LPP: variants seen among roughly 807,000 people sequenced by gnomAD.
LPP encodes the protein LIM domain containing preferred translocation partner in lipoma.
Under a neutral mutation model 60.4 loss-of-function variants are expected in LPP, and 38 were observed. That is an observed-to-expected ratio of 0.63 (90% CI 0.49 to 0.83). The LOEUF is 0.83. Ranked by LOEUF, LPP falls within the 40% of genes least tolerant of loss-of-function variation. The probability of loss-of-function intolerance (pLI) is 0.00; values close to 1 mark genes in which losing one functional copy is unlikely to be tolerated. For missense variants in LPP, 902 were observed against 783.6 expected (o/e 1.15, Z -1.80); for synonymous variants, 328 against 290.8 (o/e 1.13, Z -1.30).
rs73887388 is a variant in LPP at position 188,216,810 on chromosome 3, C to T, written c.-189-8595C>T. Among the ~76,000 whole-genome samples the T allele has an allele frequency of 5.4e-3, 824 of 152,282 alleles. 5 individuals are homozygous for T. Among genetic ancestry groups the T allele is most frequent in the African/African-American group, 0.019 (787 of 41,538 alleles). On this transcript the variant is annotated intron_variant, in intron 1 of 11. Transcript: ENST00000617246. ...AAGAAGTGAGAAAGCTTGTCCAAAC[C>T]GCTATAGCTCTTGGGCAAAGGCATT...
intron 2 of LPP, among the ~76,000 whole-genome samples, chr3:188,316,394 CATG>C (rs1217162293): frequency 6.6e-6 from 1 of 152,078 alleles, no homozygotes; most frequent in African/African-American, 2.4e-5. Flanking sequence ...GTGCTATGAT[CATG>C]CTACTTCACT....
intron 1 of LPP, among the ~76,000 whole-genome samples, chr3:188,207,703 C>T (rs1238515803): frequency 6.6e-6 from 1 of 150,886 alleles, no homozygotes; most frequent in Non-Finnish European, 1.5e-5. Context: ...AGTAATACTG[C>T]CTTGGCCTCC....
At chr3:188,644,732 A>G (rs1475825443) in intron 7 of LPP, among the ~76,000 whole-genome samples, 1 of 152,212 alleles carries the variant, frequency 6.6e-6, no homozygotes, top group Non-Finnish European at 1.5e-5. Flanking sequence ...AAAAGAATCT[A>G]TGCTGAGAGG....
Position 188,647,217 on chromosome 3 carries a change from A to C in LPP, c.1113+37373A>C, listed in dbSNP as rs546991731. On this transcript the variant is annotated intron_variant, in intron 7 of 11. Transcript: ENST00000617246. ...CACCATCCAGCTCTGACCTGGGCCC[A>C]CCCTGTGCAGGACTCTGCTGACTTT... 1.1e-3 allele frequency among the ~76,000 whole-genome samples: 161 copies of C among 152,202 alleles called. No homozygotes were observed. In the Middle Eastern group the frequency reaches 0.017, roughly 16 times the overall value.
intron 6 of LPP, among the ~76,000 whole-genome samples, chr3:188,579,936 G>A (rs1008885965): frequency 3.9e-5 from 6 of 151,992 alleles, no homozygotes; most frequent in East Asian, 3.9e-4. Flanking sequence ...AGGAGGTCAA[G>A]GCTACAGTGA....
intron 6 of LPP, among the ~76,000 whole-genome samples, chr3:188,584,162 G>A (rs1309517811): frequency 8.5e-5 from 13 of 152,138 alleles, no homozygotes; most frequent in Admixed American, 7.9e-4. Context: ...AACATTCATG[G>A]AGAGCTACTT....
chr3:188,498,164 C>T (rs1306842343), intron 5 of LPP, among the ~76,000 whole-genome samples: 3 of 151,772 alleles, frequency 2.0e-5, no homozygotes, highest in Non-Finnish European at 4.4e-5. Context: ...TTTTTTTTCC[C>T]CCCCAGCTTG....
At chr3:188,814,824 C>G (rs767878892) in intron 9 of LPP, among the ~76,000 whole-genome samples, 2 of 152,174 alleles carry the variant, frequency 1.3e-5, no homozygotes, top group African/African-American at 2.4e-5. Context: ...ATTTGTCTCT[C>G]AGTCTTAAAA....
chr3:188,561,278 C>CT (rs1165679218), intron 6 of LPP, among the ~76,000 whole-genome samples: 2 of 151,988 alleles, frequency 1.3e-5, no homozygotes, highest in African/African-American at 2.4e-5. Flanking sequence ...TGGCAGTGAA[C>CT]TTTTTTTAAA....
intron 4 of LPP, among the ~76,000 whole-genome samples, chr3:188,437,899 T>G (rs919058543): frequency 2.0e-5 from 3 of 152,254 alleles, no homozygotes; most frequent in Non-Finnish European, 2.9e-5. Flanking sequence ...ATCCCTTTAA[T>G]TAAATTCCAT....
intron 2 of LPP, among the ~76,000 whole-genome samples, chr3:188,250,792 TTC>T (rs769444580): frequency 0.11 from 9,405 of 86,246 alleles, 484 homozygotes; most frequent in African/African-American, 0.19. Flanking sequence ...CTTTCTGTCT[TTC>T]TCTTTCTTTC....
rs981268542 is a variant in LPP at position 188,459,287 on chromosome 3, A to G, written c.194-25305A>G. 3.9e-5 allele frequency among the ~76,000 whole-genome samples: 6 copies of G among 152,298 alleles called. No homozygotes were observed. The East Asian group carries it at 9.6e-4, about 24-fold the overall frequency. On this transcript the variant is annotated intron_variant, in intron 4 of 11. Transcript: ENST00000617246. Reference sequence around the variant, plus strand: ...CTAGATTACCTAGAAAATGGCACCTAGGGTAACAACTTATGTGCTTAATTT... The same window carrying G: ...CTAGATTACCTAGAAAATGGCACCTGGGGTAACAACTTATGTGCTTAATTT...
At chr3:188,440,626 C>T (rs925871240) in intron 4 of LPP, among the ~76,000 whole-genome samples, 3 of 152,202 alleles carry the variant, frequency 2.0e-5, no homozygotes, top group African/African-American at 7.2e-5. Context: ...CCTTAGATGT[C>T]AATTCATGGT....
At chr3:188,194,926 T>C (rs181632867) in intron 1 of LPP, among the ~76,000 whole-genome samples, 11 of 152,266 alleles carry the variant, frequency 7.2e-5, no homozygotes, top group African/African-American at 2.6e-4. Context: ...AGTGGTAGTC[T>C]TCTGACTAGT....
chr3:188,242,206 T>C (rs934530814), intron 2 of LPP, among the ~76,000 whole-genome samples: 1 of 152,318 alleles, frequency 6.6e-6, no homozygotes, highest in Non-Finnish European at 1.5e-5. Context: ...CATGGGTTAT[T>C]TTTTAGCATG....
intron 4 of LPP, among the ~76,000 whole-genome samples, chr3:188,467,850 C>T (rs758279407): frequency 1.1e-4 from 16 of 152,116 alleles, no homozygotes; most frequent in Admixed American, 3.3e-4. Context: ...GCCCTGCCAA[C>T]ACCTTGATTT....
chr3:188,172,409 A>G (rs1026943170), intron 1 of LPP, among the ~76,000 whole-genome samples: 1 of 152,202 alleles, frequency 6.6e-6, no homozygotes, highest in Non-Finnish European at 1.5e-5. Flanking sequence ...TGAGGATTAA[A>G]TGAGTTAATA....
intron 2 of LPP, among the ~76,000 whole-genome samples, chr3:188,261,367 C>T (rs901439340): frequency 6.6e-6 from 1 of 152,152 alleles, no homozygotes; most frequent in Non-Finnish European, 1.5e-5. Flanking sequence ...CAGACACACA[C>T]ACACACATAC....
chr3:188,714,528 T>A (rs1712990518), intron 8 of LPP, among the ~76,000 whole-genome samples: 2 of 152,114 alleles, frequency 1.3e-5, no homozygotes, highest in Non-Finnish European at 2.9e-5. Context: ...TCTTATTTTT[T>A]CAAGTCAGGT....
Sources: allele counts gnomAD v4.1 joint callset (sites outside exome capture counted in the v4.1 genomes callset), GRCh38; gene constraint gnomAD v4.1.1; transcripts MANE v1.5; gene names NCBI Gene and HGNC (gene_info 2026-07-23, HGNC 2026-07-21).